Variants in MAL2 observed in about 807,000 individuals in gnomAD.
The protein encoded by MAL2 is protein MAL2.
A neutral mutation model predicts 18.1 loss-of-function variants in MAL2; 17 were observed. The observed-to-expected ratio is 0.94, with a 90% CI of 0.64 to 1.41. The LOEUF is 1.41. MAL2 is among the 40% of genes most tolerant of loss of function. The probability of loss-of-function intolerance (pLI) is 0.00; values close to 1 mark genes in which losing one functional copy is unlikely to be tolerated. For missense variants in MAL2, 222 were observed against 231.9 expected (o/e 0.96, Z 0.28); for synonymous variants, 102 against 102.3 (o/e 1.00, Z 0.02).
chr8:119,222,093 C>T (rs969833185), intron 2 of MAL2, among the ~76,000 whole-genome samples: 4 of 152,020 alleles, frequency 2.6e-5, no homozygotes, highest in Admixed American at 6.6e-5. Context: ...TAAACATTGT[C>T]GCATCTTGAA....
chr8:119,208,701 C>T lies in MAL2; in HGVS notation c.132+97C>T, dbSNP rs1817224739. ...TGTCTTCCTCTGCGTCCGCCCCCGG[C>T]CTCCTTCCCTTCGACGTGGCTTTGT... On this transcript the variant is annotated intron_variant, in intron 1 of 3. Transcript: ENST00000614891. This position sits in a 1 kb window ranked among gnomAD's most constrained non-coding sequence, Gnocchi z 4.3. The T allele has an allele frequency of 2.5e-6, 3 of 1,211,332 alleles. No individual in the cohort carries two copies. The highest frequency in any genetic ancestry group is 3.2e-5 in the African/African-American group (2 of 63,112). The allele number at this position is 1,211,332 out of a possible 1,614,324, so 75.0% of individuals were successfully genotyped here. A position where few individuals can be genotyped will look rare whatever the true frequency, so the allele number is the denominator to read the frequency against.
At chr8:119,242,725 CAACATTTATCA>C (rs147091067) in intron 3 of MAL2, among the ~76,000 whole-genome samples, 2,088 of 152,264 alleles carry the variant, frequency 0.014, 48 homozygotes, top group African/African-American at 0.048. Flanking sequence ...GCTAAACCCA[CAACATTTATCA>C]AACATTTATC....
chr8:119,237,637 T>C lies in MAL2; in HGVS notation c.304-2528T>C, dbSNP rs1255344161. ...TGGGATGCAAGGCTGGTTAAATACATGCAAATCAATAAATGTAATCCAGCA... is the reference window on the plus strand; with the variant it reads ...TGGGATGCAAGGCTGGTTAAATACACGCAAATCAATAAATGTAATCCAGCA... On this transcript the variant is annotated intron_variant, in intron 2 of 3. Transcript: ENST00000614891. Among the ~76,000 whole-genome samples the C allele has an allele frequency of 1.4e-3, 203 of 149,766 alleles. 1 individual carries two copies. The highest frequency in any genetic ancestry group is 5.1e-3 in the African/African-American group (199 of 39,152).
chr8:119,229,859 AG>A (rs1421184255), intron 2 of MAL2, among the ~76,000 whole-genome samples: 1 of 152,122 alleles, frequency 6.6e-6, no homozygotes, highest in African/African-American at 2.4e-5. Flanking sequence ...CTGTGGCCAT[AG>A]GTACGAACTG....
intron 1 of MAL2, among the ~76,000 whole-genome samples, chr8:119,213,767 A>G (rs1158971812): frequency 1.3e-5 from 2 of 152,184 alleles, no homozygotes; most frequent in South Asian, 4.1e-4. Flanking sequence ...GCAGTGAGCC[A>G]AGATCGCACC....
intron 2 of MAL2, among the ~76,000 whole-genome samples, chr8:119,235,461 C>T (rs1014480865): frequency 6.6e-6 from 1 of 151,914 alleles, no homozygotes; most frequent in African/African-American, 2.4e-5. Context: ...CACAAAGATA[C>T]TCCTCGAGAA....
At chr8:119,227,920 T>C (rs1470559258) in intron 2 of MAL2, among the ~76,000 whole-genome samples, 1 of 152,174 alleles carries the variant, frequency 6.6e-6, no homozygotes, top group Non-Finnish European at 1.5e-5. Flanking sequence ...TGGTTTCCTG[T>C]TGGTGAATCC....
chr8:119,231,600 A>G (rs906282899), intron 2 of MAL2, among the ~76,000 whole-genome samples: 16 of 152,216 alleles, frequency 1.1e-4, no homozygotes, highest in African/African-American at 2.7e-4. Flanking sequence ...GCCTGGGTAT[A>G]TATCCAAAGG....
chr8:119,243,664 A>C lies in MAL2; in HGVS notation c.*176A>C. 1 of 437,154 alleles carries C rather than the reference A, an allele frequency of 2.3e-6. No homozygotes were observed. The highest frequency in any genetic ancestry group is 4.0e-6 in the Non-Finnish European group (1 of 251,442). 27.1% of individuals were successfully genotyped at this position (437,154 alleles called of 1,614,324 possible). On this transcript the variant is annotated 3_prime_UTR_variant, in exon 4 of 4. Coordinates refer to ENST00000614891, the MANE Select transcript of MAL2 (RefSeq NM_052886.3). Reference sequence around the variant, plus strand: ...TCATGGATGGAATGTTAATTTTATTATGATATTAAAGAAATGGCCTTTTAT... The same window carrying C: ...TCATGGATGGAATGTTAATTTTATTCTGATATTAAAGAAATGGCCTTTTAT...
Position 119,240,268 on chromosome 8 carries a change from C to T in MAL2, c.407C>T (p.Thr136Ile). 1.2e-6 allele frequency: 2 copies of T among 1,613,646 alleles called. No homozygotes were observed. Among genetic ancestry groups the T allele is most frequent in the Non-Finnish European group, 1.7e-6 (2 of 1,179,800 alleles). The change falls in exon 3 of 4, where the codon ACC becomes ATC. Residue 136 changes from threonine (T) to isoleucine (I), a missense_variant. Transcript: ENST00000614891. ...GATTTGCATTGCAATACAACCATAA[C>T]CGGGCAGCCACTCCTGAGTGATAAC... is the stretch of plus-strand genomic sequence containing the variant. Reference protein sequence around the residue: ...LHDLHCNTTITGQPLLSDNQY... With the variant: ...LHDLHCNTTIIGQPLLSDNQY...
intron 1 of MAL2, among the ~76,000 whole-genome samples, chr8:119,210,148 C>G (rs1817248202): frequency 6.6e-6 from 1 of 151,948 alleles, no homozygotes; most frequent in Non-Finnish European, 1.5e-5. Flanking sequence ...TTTTCTTAAG[C>G]AATAATATAC....
chr8:119,221,829 C>G, intron 2 of MAL2, 72 bp downstream of exon 2: 1 of 1,485,574 alleles, frequency 6.7e-7, no homozygotes, highest in Non-Finnish European at 9.2e-7. Context: ...TTCTGAAATG[C>G]CAGAGTCCCA....
chr8:119,218,714 A>G (rs1417267824), intron 1 of MAL2, among the ~76,000 whole-genome samples: 2 of 152,166 alleles, frequency 1.3e-5, no homozygotes, highest in Non-Finnish European at 2.9e-5. Context: ...TGGGTTTAGT[A>G]AATGCTGTGT....
intron 3 of MAL2, among the ~76,000 whole-genome samples, chr8:119,242,481 TAGAG>T (rs1304445715): frequency 5.9e-5 from 9 of 152,288 alleles, no homozygotes; most frequent in African/African-American, 2.2e-4. Flanking sequence ...TTTGGGAAAT[TAGAG>T]AGGAAAATTC....
At chr8:119,231,543 C>A (rs1466507398) in intron 2 of MAL2, among the ~76,000 whole-genome samples, 2 of 152,116 alleles carry the variant, frequency 1.3e-5, no homozygotes, top group South Asian at 4.2e-4. Context: ...TGTGGAAGTT[C>A]CTCAAAAAGT....
intron 2 of MAL2, among the ~76,000 whole-genome samples, chr8:119,237,963 A>G (rs150570973): frequency 0.014 from 2,177 of 152,038 alleles, 56 homozygotes; most frequent in African/African-American, 0.051. Context: ...AGGAAATAAA[A>G]GGTATTCAGT....
chr8:119,233,098 G>A (rs1224159423), intron 2 of MAL2, among the ~76,000 whole-genome samples: 1 of 152,128 alleles, frequency 6.6e-6, no homozygotes, highest in African/African-American at 2.4e-5. Context: ...AATGAAGGTA[G>A]AAATAAAGAT....
chr8:119,239,857 GTAAC>G (rs3083455), intron 2 of MAL2, among the ~76,000 whole-genome samples: 24,373 of 151,908 alleles, frequency 0.16, 2,326 homozygotes, highest in South Asian at 0.33. Context: ...GTATACATAT[GTAAC>G]TAACCTGCAC....
chr8:119,211,939 C>T (rs973830376), intron 1 of MAL2, among the ~76,000 whole-genome samples: 5 of 152,102 alleles, frequency 3.3e-5, no homozygotes, highest in Non-Finnish European at 4.4e-5. Flanking sequence ...AATCACTCAT[C>T]GGGTATTTAC....
Sources: allele counts gnomAD v4.1 joint callset (sites outside exome capture counted in the v4.1 genomes callset), GRCh38; gene constraint gnomAD v4.1.1; non-coding constraint Gnocchi (gnomAD v3.1); transcripts MANE v1.5; gene names NCBI Gene and HGNC (gene_info 2026-07-23, HGNC 2026-07-21).